Variants in COL4A2 observed in about 807,000 individuals in gnomAD.
The protein encoded by COL4A2 is collagen type IV alpha 2 chain.
A neutral mutation model predicts 200.2 loss-of-function variants in COL4A2; 99 were observed. That is an observed-to-expected ratio of 0.49 (90% confidence interval 0.42 to 0.58). COL4A2 has a LOEUF of 0.58. COL4A2 is among the 20% of genes least tolerant of loss of function. COL4A2 has a pLI of 0.00. For missense variants in COL4A2, 1,950 were observed against 2,314.1 expected, an observed-to-expected ratio of 0.84 and a Z score of 3.23; for synonymous variants, 897 against 900.6, an observed-to-expected ratio of 1.00 and a Z score of 0.07.
At chr13:110,345,663 A>G (rs1594159842) in intron 3 of COL4A2, among the ~76,000 whole-genome samples, 1 of 152,190 alleles carries the variant, frequency 6.6e-6, no homozygotes, top group African/African-American at 2.4e-5. Context: ...CTAGCTAAGT[A>G]CCGACCTAGA....
chr13:110,424,162 G>C (rs1002029485), intron 4 of COL4A2, among the ~76,000 whole-genome samples: 1 of 152,108 alleles, frequency 6.6e-6, no homozygotes, highest in Non-Finnish European at 1.5e-5. Context: ...AGCGCACGGA[G>C]ATTCTGATTT....
intron 19 of COL4A2, 71 bp downstream of exon 19, chr13:110,449,860 G>A: frequency 6.8e-7 from 1 of 1,465,054 alleles, no homozygotes. Context: ...ACACACAAGG[G>A]AGACTTCGTT....
chr13:110,469,414 T>A, intron 28 of COL4A2, 90 bp downstream of exon 28: 3 of 1,297,770 alleles, frequency 2.3e-6, no homozygotes, highest in Non-Finnish European at 3.2e-6. Flanking sequence ...TATCTTCCAC[T>A]TTGTAGAAGC....
At chr13:110,486,539 T>C (rs1883124045) in intron 34 of COL4A2, among the ~76,000 whole-genome samples, 1 of 152,178 alleles carries the variant, frequency 6.6e-6, no homozygotes, top group South Asian at 2.1e-4. Context: ...CGGCTGGCCT[T>C]CCCAGGGGGA....
chr13:110,476,459 T>G (rs9521798), intron 29 of COL4A2, among the ~76,000 whole-genome samples: 31 of 152,076 alleles, frequency 2.0e-4, no homozygotes, highest in African/African-American at 6.8e-4. Flanking sequence ...TCAGCCCTCT[T>G]CCTCGCTGCA....
At chr13:110,398,129 T>C (rs1463317482) in intron 4 of COL4A2, among the ~76,000 whole-genome samples, 1 of 152,120 alleles carries the variant, frequency 6.6e-6, no homozygotes, top group African/African-American at 2.4e-5. Context: ...TGCTTCCTTT[T>C]CCTTTTTCTT....
At chr13:110,477,850 T>A in intron 29 of COL4A2, 153 bp from the exon 30 acceptor site, 1 of 731,140 alleles carries the variant, frequency 1.4e-6, no homozygotes, top group African/African-American at 1.8e-5. Flanking sequence ...TTACCTGATT[T>A]TATCCTTTAT....
chr13:110,506,267 T>C lies in COL4A2; in HGVS notation c.4403-148T>C, dbSNP rs55886338. 87,987 of 815,342 alleles carry C rather than the reference T, an allele frequency of 0.11. 8,603 individuals carry two copies. The highest frequency in any genetic ancestry group is 0.41 in the East Asian group (14,089 of 34,116). The allele number at this position is 815,342 out of a possible 1,614,324, so 50.5% of individuals were successfully genotyped here. Reference sequence around the variant, plus strand: ...TACACCAGGCCGTCCACTCTCTCTCTCTCTCTCTCTCTCGGGCTGCAGGTG... The same window carrying C: ...TACACCAGGCCGTCCACTCTCTCTCCCTCTCTCTCTCTCGGGCTGCAGGTG... On this transcript the variant is annotated intron_variant, in intron 45 of 47. Coordinates refer to ENST00000360467, the MANE Select transcript of COL4A2 (RefSeq NM_001846.4).
chr13:110,395,141 A>G (rs1303744277), intron 4 of COL4A2, among the ~76,000 whole-genome samples: 10 of 152,126 alleles, frequency 6.6e-5, no homozygotes, highest in Non-Finnish European at 1.3e-4. Flanking sequence ...ACTGGATCTC[A>G]TATCAATGCG....
At chr13:110,349,833 G>A (rs59030659) in intron 3 of COL4A2, among the ~76,000 whole-genome samples, 13,556 of 151,776 alleles carry the variant, frequency 0.089, 1,999 homozygotes, top group African/African-American at 0.31. Flanking sequence ...GCACAGTCGT[G>A]GCTCACTAAA....
At chr13:110,507,652 A>T in intron 46 of COL4A2, 2 of 536,642 alleles carry the variant, frequency 3.7e-6, no homozygotes, top group Non-Finnish European at 6.7e-6. Context: ...CTCACCCAAA[A>T]TGCTATTCCA....
intron 43 of COL4A2, 127 bp from the exon 44 acceptor site, chr13:110,503,720 C>A: frequency 8.4e-7 from 1 of 1,189,334 alleles, no homozygotes; most frequent in Non-Finnish European, 1.2e-6. Context: ...TCTGGCTCAT[C>A]TCTAGAAAGC....
intron 33 of COL4A2, 27 bp from the exon 34 acceptor site, chr13:110,485,628 G>A (rs41315048): frequency 6.4e-7 from 1 of 1,569,812 alleles, no homozygotes; most frequent in Admixed American, 2.0e-5. Flanking sequence ...CCTCACCAGA[G>A]TGTTACACAC....
At chr13:110,313,327 T>C (rs1223889696) in intron 3 of COL4A2, among the ~76,000 whole-genome samples, 1 of 152,182 alleles carries the variant, frequency 6.6e-6, no homozygotes, top group Non-Finnish European at 1.5e-5. Context: ...GTAATTTTTA[T>C]TTTGGTTACC....
At chr13:110,462,453 G>A in intron 24 of COL4A2, 69 bp downstream of exon 24, 2 of 1,518,110 alleles carry the variant, frequency 1.3e-6, no homozygotes, top group Non-Finnish European at 1.8e-6. Flanking sequence ...AAACACCCCA[G>A]AAGCAAACAG....
At chr13:110,482,702 C>T (rs1882976630) in intron 32 of COL4A2, 43 bp downstream of exon 32, 1 of 1,593,836 alleles carries the variant, frequency 6.3e-7, no homozygotes, top group Non-Finnish European at 8.6e-7. Context: ...GTCATGGTGG[C>T]ATCCTCCTTA....
intron 10 of COL4A2, among the ~76,000 whole-genome samples, chr13:110,431,435 T>C (rs906485817): frequency 1.3e-5 from 2 of 152,122 alleles, no homozygotes; most frequent in Non-Finnish European, 2.9e-5. Context: ...TTATAATAAA[T>C]GACAATAATA....
rs59905747 is a variant in COL4A2, at chr13:110,446,698, C to G, written c.1012-100C>G. ...TGGTTGAAATAGCTGCTCTGCCAGCCTGACGGTCCACGCTCGGGTTTCTTC... is the reference window on the plus strand; with the variant it reads ...TGGTTGAAATAGCTGCTCTGCCAGCGTGACGGTCCACGCTCGGGTTTCTTC... On this transcript the variant is annotated intron_variant, in intron 17 of 47. Coordinates refer to ENST00000360467, the MANE Select transcript of COL4A2 (RefSeq NM_001846.4). 83,112 of 978,070 alleles carry G rather than the reference C, an allele frequency of 0.085. 4,871 individuals carry two copies. Among genetic ancestry groups the G allele is most frequent in the East Asian group, 0.27 (10,235 of 37,788 alleles). 60.6% of individuals were successfully genotyped at this position (978,070 alleles called of 1,614,324 possible).
rs1566570136 is a variant in COL4A2 at position 110,501,652 on chromosome 13, CT to C, written c.3761-15del. ...GTGCTAACGCTGAAAATAATTTCTTCTGTTTTCATCCTAAGGGGAACGAGGC... is the reference window on the plus strand; with the variant it reads ...GTGCTAACGCTGAAAATAATTTCTTCGTTTTCATCCTAAGGGGAACGAGGC... On this transcript the variant is annotated splice_polypyrimidine_tract_variant and intron_variant, in intron 40 of 47. Transcript: ENST00000360467. The C allele has an allele frequency of 1.3e-6, 2 of 1,596,344 alleles. No individual in the cohort carries two copies. Among genetic ancestry groups the C allele is most frequent in the Non-Finnish European group, 1.7e-6 (2 of 1,163,794 alleles).
Sources: gnomAD v4.1 joint callset for allele counts (sites outside exome capture counted in the v4.1 genomes callset) on GRCh38, gnomAD v4.1.1 for gene constraint, MANE v1.5 for transcripts, NCBI Gene and HGNC (gene_info 2026-07-23, HGNC 2026-07-21) for gene names.